Variants in EPHA5 observed in about 807,000 individuals in gnomAD.
EPHA5 encodes ephrin type-A receptor 5.
Under a neutral mutation model 105.0 loss-of-function variants are expected in EPHA5, and 60 were observed. The ratio of observed to expected loss-of-function variants is 0.57; its 90% CI spans 0.46 to 0.71. The LOEUF (loss-of-function observed/expected upper bound fraction) is 0.71, where lower values mean the gene tolerates loss of function less well. Ranked by LOEUF, EPHA5 falls within the 30% of genes least tolerant of loss-of-function variation. EPHA5 has a pLI of 0.00. For synonymous variants in EPHA5, 513 were observed against 449.1 expected (o/e 1.14, Z -1.80); for missense variants, 1,218 against 1,274.7 (o/e 0.96, Z 0.68).
At chr4:65,506,053 A>T (rs1049149353) in intron 3 of EPHA5, among the ~76,000 whole-genome samples, 1 of 152,008 alleles carries the variant, frequency 6.6e-6, no homozygotes, top group Non-Finnish European at 1.5e-5. Flanking sequence ...TCCTGTGTCC[A>T]TGTGTTGTCA....
chr4:65,451,120 T>G (rs1727024857), intron 5 of EPHA5, among the ~76,000 whole-genome samples: 1 of 152,130 alleles, frequency 6.6e-6, no homozygotes, highest in African/African-American at 2.4e-5. Flanking sequence ...TAAAGCTGCC[T>G]CACAGAACAG....
intron 3 of EPHA5, among the ~76,000 whole-genome samples, chr4:65,552,189 G>A (rs1737986190): frequency 6.6e-6 from 1 of 152,166 alleles, no homozygotes; most frequent in Non-Finnish European, 1.5e-5. Flanking sequence ...AAGAATTACA[G>A]GAGCTGAGAA....
chr4:65,582,474 G>GAA (rs35859138), intron 3 of EPHA5, among the ~76,000 whole-genome samples: 29 of 139,494 alleles, frequency 2.1e-4, no homozygotes, highest in East Asian at 1.6e-3. Flanking sequence ...TAGCAATTGG[G>GAA]AAAAAAAAAA....
intron 5 of EPHA5, among the ~76,000 whole-genome samples, chr4:65,420,827 T>G (rs1317787396): frequency 6.6e-6 from 1 of 152,068 alleles, no homozygotes; most frequent in African/African-American, 2.4e-5. Context: ...ATAAATTATT[T>G]TATTTCATAA....
At chr4:65,611,417 G>T (rs1744745726) in intron 2 of EPHA5, among the ~76,000 whole-genome samples, 2 of 149,638 alleles carry the variant, frequency 1.3e-5, no homozygotes, top group South Asian at 2.1e-4. Flanking sequence ...TAAGGGAAAA[G>T]AAACTATTTC....
chr4:65,340,597 G>A (rs1387239555), intron 14 of EPHA5, among the ~76,000 whole-genome samples: 1 of 152,014 alleles, frequency 6.6e-6, no homozygotes, highest in Non-Finnish European at 1.5e-5. Context: ...TGGAGGAGGG[G>A]GAGGATAAGG....
intron 7 of EPHA5, among the ~76,000 whole-genome samples, chr4:65,411,013 T>C (rs778010148): frequency 2.0e-5 from 3 of 152,140 alleles, no homozygotes; most frequent in Non-Finnish European, 4.4e-5. Context: ...GTTTTATTCA[T>C]GGTAAGTTTC....
chr4:65,658,858 A>G (rs1749295051), intron 1 of EPHA5, among the ~76,000 whole-genome samples: 1 of 151,994 alleles, frequency 6.6e-6, no homozygotes, highest in African/African-American at 2.4e-5. Context: ...AATAGATCAA[A>G]CTCTCGTTTC....
intron 4 of EPHA5, among the ~76,000 whole-genome samples, chr4:65,492,983 G>GTT (rs1483425055): frequency 1.1e-3 from 71 of 64,340 alleles, no homozygotes; most frequent in African/African-American, 3.8e-3. Flanking sequence ...CTTCTGTTTT[G>GTT]TTTTGTTTTG....
At chr4:65,616,728 T>G (rs1745274349) in intron 2 of EPHA5, among the ~76,000 whole-genome samples, 1 of 152,030 alleles carries the variant, frequency 6.6e-6, no homozygotes, top group South Asian at 2.1e-4. Flanking sequence ...ATTCATTTTT[T>G]TATTCCCCAA....
intron 3 of EPHA5, among the ~76,000 whole-genome samples, chr4:65,561,410 C>G (rs1739004095): frequency 6.6e-6 from 1 of 151,982 alleles, no homozygotes; most frequent in Non-Finnish European, 1.5e-5. Context: ...CTCTCATTGT[C>G]CCTCTGTTCA....
chr4:65,549,980 T>C (rs1405336323), intron 3 of EPHA5, among the ~76,000 whole-genome samples: 1 of 152,100 alleles, frequency 6.6e-6, no homozygotes, highest in African/African-American at 2.4e-5. Flanking sequence ...TATTGCAGTA[T>C]TTTAGAATCC....
intron 3 of EPHA5, among the ~76,000 whole-genome samples, chr4:65,589,927 T>C (rs1035102986): frequency 3.9e-5 from 6 of 152,314 alleles, no homozygotes; most frequent in Non-Finnish European, 5.9e-5. Flanking sequence ...GATAGTCTCA[T>C]TTTTTATTTT....
chr4:65,609,513 G>A (rs971382825), intron 2 of EPHA5, among the ~76,000 whole-genome samples: 1 of 151,942 alleles, frequency 6.6e-6, no homozygotes, highest in East Asian at 1.9e-4. Flanking sequence ...GAAACACAGA[G>A]ATTAAAACTT....
At chr4:65,566,220 A>T (rs1739517139) in intron 3 of EPHA5, among the ~76,000 whole-genome samples, 1 of 151,776 alleles carries the variant, frequency 6.6e-6, no homozygotes, top group African/African-American at 2.4e-5. Flanking sequence ...TGCAACAAAG[A>T]TGTTCAGTGT....
At chr4:65,413,447 C>G (rs1723099747) in intron 7 of EPHA5, among the ~76,000 whole-genome samples, 1 of 152,078 alleles carries the variant, frequency 6.6e-6, no homozygotes, top group African/African-American at 2.4e-5. Context: ...AATTTAATAA[C>G]TCTTCTGATT....
chr4:65,613,668 GC>G (rs1231438928), intron 2 of EPHA5, among the ~76,000 whole-genome samples: 1 of 151,866 alleles, frequency 6.6e-6, no homozygotes, highest in East Asian at 1.9e-4. Context: ...TATGTCTATT[GC>G]AAATTCCTCC....
intron 3 of EPHA5, among the ~76,000 whole-genome samples, chr4:65,589,771 C>T (rs1458126010): frequency 7.2e-5 from 11 of 152,078 alleles, no homozygotes; most frequent in Admixed American, 7.2e-4. Flanking sequence ...ATTAAAAAAT[C>T]ATCCACAGGA....
At chr4:65,327,673 T>C (rs751862199) in intron 16 of EPHA5, among the ~76,000 whole-genome samples, 2 of 151,334 alleles carry the variant, frequency 1.3e-5, no homozygotes, top group Non-Finnish European at 3.0e-5. Flanking sequence ...AGATGATTTA[T>C]GCAAGTTAAA....
Sources: gnomAD v4.1 joint callset for allele counts (sites outside exome capture counted in the v4.1 genomes callset) on GRCh38, gnomAD v4.1.1 for gene constraint, MANE v1.5 for transcripts, NCBI Gene and HGNC (gene_info 2026-07-23, HGNC 2026-07-21) for gene names.